HEATR5A: variants seen among roughly 807,000 people sequenced by gnomAD.
The protein encoded by HEATR5A is HEAT repeat-containing protein 5A.
In HEATR5A, 178 loss-of-function variants were observed where a neutral mutation model predicts 218.8. The ratio of observed to expected loss-of-function variants is 0.81; its 90% CI spans 0.72 to 0.92. The LOEUF (loss-of-function observed/expected upper bound fraction) is 0.92, where lower values mean the gene tolerates loss of function less well. Ranked by LOEUF, HEATR5A falls within the 40% of genes least tolerant of loss-of-function variation. The probability of loss-of-function intolerance (pLI) is 0.00; values close to 1 mark genes in which losing one functional copy is unlikely to be tolerated. For missense variants in HEATR5A, 2,420 were observed against 2,418.9 expected (o/e 1.00, Z -0.01); for synonymous variants, 864 against 871.6 (o/e 0.99, Z 0.15).
At chr14:31,301,826 T>C (rs1230179354) in intron 33 of HEATR5A, among the ~76,000 whole-genome samples, 1 of 144,618 alleles carries the variant, frequency 6.9e-6, no homozygotes, top group African/African-American at 2.6e-5. Flanking sequence ...TTTTTTTTTT[T>C]TTTTTTTTTG....
Position 31,374,845 on chromosome 14 carries a change from G to A in HEATR5A, c.1832C>T (p.Thr611Ile), listed in dbSNP as rs777273113. Residue 611 changes from threonine (T) to isoleucine (I), a missense_variant, in exon 12 of 36, where the codon ACC becomes ATC. Thr to Ile is a moderately conservative substitution (Grantham distance 89, BLOSUM62 -1). Transcript: ENST00000543095. Reference protein sequence around the residue: ...SRGDSFTWQVTLEGRAGALCA... With the variant: ...SRGDSFTWQVILEGRAGALCA... ...CAGTGCACCAGCTCGTCCTTCCAGG[G>A]TCACCTGCCATGTAAACGAATCTCC... 1.2e-6 allele frequency: 2 copies of A among 1,613,662 alleles called. No homozygotes were observed. The highest frequency in any genetic ancestry group is 1.7e-5 in the Admixed American group (1 of 59,960).
At chr14:31,373,684 A>C (rs1310359996) in intron 12 of HEATR5A, among the ~76,000 whole-genome samples, 1 of 152,132 alleles carries the variant, frequency 6.6e-6, no homozygotes, top group Admixed American at 6.5e-5. Flanking sequence ...TTTCATATAC[A>C]GGTGACCCTT....
In HEATR5A at chr14:31,312,977, GA is replaced by G. The variant is rs754009738; in HGVS notation, c.4431del (p.Pro1478LeufsTer56). 4.3e-6 allele frequency: 7 copies of G among 1,609,554 alleles called. No homozygotes were observed. The South Asian group carries it at 7.7e-5, about 18-fold the overall frequency. ...TATTTTATCTCCTTACCTTCAGCAGGAAGTTGGGAGGCAAATTCTGAAGGCA... is the reference window on the plus strand; with the variant it reads ...TATTTTATCTCCTTACCTTCAGCAGGAGTTGGGAGGCAAATTCTGAAGGCA... ...LTLPSEFASQLPAEGGAFYTA... is the reference protein window; with the variant it reads ...LTLPSEFASQXPAEGGAFYTA... On this transcript the variant is annotated frameshift_variant, in exon 28 of 36. Transcript: ENST00000543095. LOFTEE classifies it high-confidence loss of function.
chr14:31,309,860 G>A (rs891032662), intron 28 of HEATR5A, among the ~76,000 whole-genome samples: 2 of 151,912 alleles, frequency 1.3e-5, no homozygotes, highest in Admixed American at 6.6e-5. Flanking sequence ...GCACCACCAC[G>A]CCCAGCTAAT....
chr14:31,340,497 C>T (rs1900805439), intron 21 of HEATR5A: 1 of 1,285,288 alleles, frequency 7.8e-7, no homozygotes, highest in Non-Finnish European at 1.0e-6. Flanking sequence ...ACAAATGACA[C>T]ACCAGTCATG....
At chr14:31,392,411 T>C (rs906584951) in intron 6 of HEATR5A, among the ~76,000 whole-genome samples, 3 of 152,204 alleles carry the variant, frequency 2.0e-5, no homozygotes, top group Non-Finnish European at 2.9e-5. Flanking sequence ...TCTTCTTCAA[T>C]GGTTTCTTGT....
At chr14:31,391,767 A>G (rs755183880) in intron 6 of HEATR5A, among the ~76,000 whole-genome samples, 2 of 152,168 alleles carry the variant, frequency 1.3e-5, no homozygotes, top group Non-Finnish European at 2.9e-5. Context: ...TTCTATATTT[A>G]GACATGTTTA....
At chr14:31,301,804 CTTTCT>C (rs1899387082) in intron 33 of HEATR5A, among the ~76,000 whole-genome samples, 1 of 99,746 alleles carries the variant, frequency 1.0e-5, no homozygotes, top group Admixed American at 1.3e-4. Context: ...CAGAACACAG[CTTTCT>C]TTTTTTTTTT....
At chr14:31,353,905 T>C (rs1255432296) in intron 16 of HEATR5A, among the ~76,000 whole-genome samples, 1 of 152,050 alleles carries the variant, frequency 6.6e-6, no homozygotes, top group African/African-American at 2.4e-5. Context: ...GTTCATGCCA[T>C]TCTTGTGTCT....
At chr14:31,349,663 A>G (rs747276001) in intron 18 of HEATR5A, 126 bp downstream of exon 18, 7 of 650,654 alleles carry the variant, frequency 1.1e-5, no homozygotes, top group Non-Finnish European at 1.8e-5. Context: ...TTAGCAGTCA[A>G]CATTTGACAA....
intron 22 of HEATR5A, among the ~76,000 whole-genome samples, 183 bp from the exon 23 acceptor site, chr14:31,326,525 T>A (rs1294448308): frequency 3.3e-5 from 5 of 152,192 alleles, no homozygotes; most frequent in African/African-American, 7.2e-5. Flanking sequence ...GGATTTATGA[T>A]CCTATATAGC....
intron 1 of HEATR5A, among the ~76,000 whole-genome samples, chr14:31,413,693 G>A (rs926799744): frequency 3.9e-5 from 6 of 152,026 alleles, no homozygotes; most frequent in South Asian, 4.1e-4. Context: ...TTTAATCCTC[G>A]TAATACTGAA....
chr14:31,332,910 C>T lies in HEATR5A; in HGVS notation c.3367+4566G>A, dbSNP rs149794309. ...CTGAGGCAGAAGACTCGCTTGAACC[C>T]GGAAGACGGAGGTCGCAGTGAGCCA... On this transcript the variant is annotated intron_variant, in intron 22 of 35. Coordinates refer to ENST00000543095, the MANE Select transcript of HEATR5A (RefSeq NM_015473.4). Among the ~76,000 whole-genome samples, 274 of 151,554 alleles carry T rather than the reference C, an allele frequency of 1.8e-3. 1 individual carries two copies. Among genetic ancestry groups the T allele is most frequent in the Middle Eastern group, 6.8e-3 (2 of 292 alleles).
intron 29 of HEATR5A, 33 bp downstream of exon 29, chr14:31,308,901 A>G (rs754082385): frequency 1.3e-6 from 2 of 1,567,098 alleles, no homozygotes. Flanking sequence ...AAAACCCCTA[A>G]GGTTGTAAAC....
intron 34 of HEATR5A, among the ~76,000 whole-genome samples, chr14:31,295,029 G>A: frequency 6.6e-6 from 1 of 152,072 alleles, no homozygotes. Flanking sequence ...TAACTGTAAT[G>A]GTATTTTAAT....
At chr14:31,330,385 C>T (rs1318837941) in intron 22 of HEATR5A, among the ~76,000 whole-genome samples, 1 of 152,120 alleles carries the variant, frequency 6.6e-6, no homozygotes, top group Non-Finnish European at 1.5e-5. Context: ...GCACGGGGAC[C>T]CTGGGTCTGA....
At chr14:31,322,426 A>G (rs1378712673) in intron 24 of HEATR5A, among the ~76,000 whole-genome samples, 5 of 152,242 alleles carry the variant, frequency 3.3e-5, no homozygotes, top group Admixed American at 3.3e-4. Flanking sequence ...CTTAAAAATA[A>G]TTAAACCAGA....
intron 2 of HEATR5A, among the ~76,000 whole-genome samples, chr14:31,401,602 T>C (rs2030880692): frequency 6.6e-6 from 1 of 152,210 alleles, no homozygotes; most frequent in Non-Finnish European, 1.5e-5. Flanking sequence ...AGTGCTACAC[T>C]ACAGCCTCAA....
chr14:31,404,284 A>AATG (rs1294175153), intron 1 of HEATR5A, among the ~76,000 whole-genome samples: 1 of 152,178 alleles, frequency 6.6e-6, no homozygotes, highest in African/African-American at 2.4e-5. Context: ...ATGTAGATAA[A>AATG]ATGCTATGGC....
Sources: gnomAD v4.1 joint callset for allele counts (sites outside exome capture counted in the v4.1 genomes callset) on GRCh38, gnomAD v4.1.1 for gene constraint, MANE v1.5 for transcripts, NCBI Gene and HGNC (gene_info 2026-07-23, HGNC 2026-07-21) for gene names.